The following STX4 variants were observed in gnomAD, a reference collection of about 807,000 sequenced individuals.
STX4 encodes syntaxin 4, also known as syntaxin-4.
In STX4, 24 loss-of-function variants were observed where a neutral mutation model predicts 41.8. That is an observed-to-expected ratio of 0.57 (90% CI 0.42 to 0.81). The LOEUF (loss-of-function observed/expected upper bound fraction) is 0.81. Among genes scored for constraint, STX4 ranks in the 30% least tolerant of loss-of-function variants. The pLI, the probability that STX4 is intolerant of heterozygous loss-of-function variation, is 0.00. For synonymous variants in STX4, 158 were observed against 156.4 expected, an observed-to-expected ratio of 1.01 and a Z score of -0.08; for missense variants, 316 against 389.9, an observed-to-expected ratio of 0.81 and a Z score of 1.60.
chr16:31,038,265 G>A lies in STX4; in HGVS notation c.564+75G>A. On this transcript the variant is annotated intron_variant, in intron 7 of 10. Coordinates refer to ENST00000313843, the MANE Select transcript of STX4 (RefSeq NM_004604.5). ...AGTCCTGTCCGTTTCTCGACCTCCT[G>A]GGCTCAGGTGATCCTCCTGCCTCAG... 2.6e-6 allele frequency: 4 copies of A among 1,567,480 alleles called. No individual in the cohort carries two copies. The South Asian group carries it at 4.5e-5, about 18-fold the overall frequency.
chr16:31,034,335 A>T lies in STX4; in HGVS notation c.232+10A>T. On this transcript the variant is annotated intron_variant, in intron 3 of 10. Transcript: ENST00000313843. ...CCCCTTCCCGAGGAGAGTGAGTGAA[A>T]CCCCGGCTGCAGGGCGCATGCTCCG... 1 of 1,613,756 alleles carries T rather than the reference A, an allele frequency of 6.2e-7. No individual in the cohort carries two copies. The highest frequency in any genetic ancestry group is 8.5e-7 in the Non-Finnish European group (1 of 1,179,872).
chr16:31,034,928 T>C, intron 4 of STX4, 42 bp from the exon 5 acceptor site: 2 of 1,483,324 alleles, frequency 1.3e-6, no homozygotes, highest in Non-Finnish European at 1.8e-6. Flanking sequence ...CTAAAAATCC[T>C]ATGGAGACAA....
At position 31,039,013 on chromosome 16, in the gene STX4, G is replaced by A. The variant is rs1351302203; in HGVS notation, c.702+366G>A. On this transcript the variant is annotated intron_variant, in intron 8 of 10. Coordinates refer to ENST00000313843, the MANE Select transcript of STX4 (RefSeq NM_004604.5). The surrounding 1 kb of genome is among the most constrained non-coding windows in gnomAD (Gnocchi z 4.1). ...ATCTGTACAAGGCTGGGGTGGGGGC[G>A]GCGTTCCCCTGGCCCTGGTTGTGAG... The A allele has an allele frequency of 7.7e-6, 2 of 260,604 alleles. No homozygotes were observed. Among genetic ancestry groups the A allele is most frequent in the South Asian group, 5.1e-5 (1 of 19,584 alleles). The allele number at this position is 260,604 out of a possible 1,614,324, so 16.1% of individuals were successfully genotyped here.
chr16:31,037,516 C>T (rs994049780), intron 5 of STX4, among the ~76,000 whole-genome samples: 23 of 150,310 alleles, frequency 1.5e-4, no homozygotes, highest in African/African-American at 5.1e-4. Flanking sequence ...AAAAATTAGC[C>T]GTGCGTGGTG....
rs776389713 is a variant in STX4 at position 31,034,948 on chromosome 16, A to G, written c.308-22A>G. Reference sequence around the variant, plus strand: ...AATCCTATGGAGACAAGTACCCCCAATACCCCTGTGTCTTCCCACAGCCAT... The same window carrying G: ...AATCCTATGGAGACAAGTACCCCCAGTACCCCTGTGTCTTCCCACAGCCAT... On this transcript the variant is annotated intron_variant, in intron 4 of 10. Coordinates refer to ENST00000313843, the MANE Select transcript of STX4 (RefSeq NM_004604.5). 4 of 1,563,078 alleles carry G rather than the reference A, an allele frequency of 2.6e-6. No homozygotes were observed. In the South Asian group the frequency reaches 4.9e-5, roughly 19 times the overall value.
At chr16:31,038,912 C>T (rs1386524807) in intron 8 of STX4, among the ~76,000 whole-genome samples, 1 of 152,118 alleles carries the variant, frequency 6.6e-6, no homozygotes, top group Non-Finnish European at 1.5e-5. Context: ...CCCTCACTCC[C>T]CCTCCACTAA....
In STX4 at chr16:31,033,592, G is replaced by A. The variant is rs1291030313; in HGVS notation, c.-214G>A. The A allele has an allele frequency of 1.3e-6, 2 of 1,525,686 alleles. No individual in the cohort carries two copies. The highest frequency in any genetic ancestry group is 1.2e-5 in the South Asian group (1 of 80,882). 94.5% of individuals were successfully genotyped at this position (1,525,686 alleles called of 1,614,324 possible). A position where few individuals can be genotyped will look rare whatever the true frequency, so the allele number is the denominator to read the frequency against. Reference sequence around the variant, plus strand: ...GCGGGAGCTGGAGCGGGGAAGAAAAGGGAATTCCAACCTGTGGAACCTTGG... The same window carrying A: ...GCGGGAGCTGGAGCGGGGAAGAAAAAGGAATTCCAACCTGTGGAACCTTGG... On this transcript the variant is annotated 5_prime_UTR_variant, in exon 1 of 11. Coordinates refer to ENST00000313843, the MANE Select transcript of STX4 (RefSeq NM_004604.5). The surrounding 1 kb of genome is among the most constrained non-coding windows in gnomAD (Gnocchi z 5.5).
chr16:31,033,707 G>A lies in STX4; in HGVS notation c.-99G>A. Reference sequence around the variant, plus strand: ...GCTCGTGGGGGTGTTGGGGTCCGCAGGGGGAGGGAGGGGAGTGTCAGAGTG... The same window carrying A: ...GCTCGTGGGGGTGTTGGGGTCCGCAAGGGGAGGGAGGGGAGTGTCAGAGTG... On this transcript the variant is annotated 5_prime_UTR_variant, in exon 1 of 11. Transcript: ENST00000313843. The surrounding 1 kb of genome is among the most constrained non-coding windows in gnomAD (Gnocchi z 5.5). The A allele has an allele frequency of 2.1e-6, 3 of 1,446,614 alleles. No homozygotes were observed. Among genetic ancestry groups the A allele is most frequent in the Non-Finnish European group, 2.7e-6 (3 of 1,101,308 alleles). The allele number at this position is 1,446,614 out of a possible 1,614,324, so 89.6% of individuals were successfully genotyped here. A position where few individuals can be genotyped will look rare whatever the true frequency, so the allele number is the denominator to read the frequency against.
upstream of STX4, chr16:31,033,544 C>T (rs989249370): frequency 6.5e-7 from 1 of 1,548,708 alleles, no homozygotes; most frequent in Admixed American, 2.0e-5. This position sits in a 1 kb window ranked among gnomAD's most constrained non-coding sequence, Gnocchi z 5.5. Context: ...CCGAATTTAT[C>T]ACGGAGGGGC....
intron 5 of STX4, among the ~76,000 whole-genome samples, chr16:31,037,625 A>G (rs2056810645): frequency 6.6e-6 from 1 of 151,424 alleles, no homozygotes; most frequent in Admixed American, 6.6e-5. Context: ...GTGCCACTGC[A>G]CTCCAGCCTG....
At position 31,033,809 on chromosome 16, in the gene STX4, C is replaced by T; in HGVS notation, c.4C>T (p.Arg2Trp). 2 of 1,450,240 alleles carry T rather than the reference C, an allele frequency of 1.4e-6. No homozygotes were observed. The highest frequency in any genetic ancestry group is 1.5e-5 in the South Asian group (1 of 66,900). 89.8% of individuals were successfully genotyped at this position (1,450,240 alleles called of 1,614,324 possible). Residue 2 changes from arginine to tryptophan, a missense_variant, in exon 1 of 11, where the codon CGG becomes TGG. By Grantham distance (101) the Arg-to-Trp change is moderately radical. Transcript: ENST00000313843. The surrounding 1 kb of genome is among the most constrained non-coding windows in gnomAD (Gnocchi z 5.5). ...GGGAGGGAGAGCTCAGGCCGCCATGCGGGACAGGACCCACGAGCTGAGACA... is the reference window on the plus strand; with the variant it reads ...GGGAGGGAGAGCTCAGGCCGCCATGTGGGACAGGACCCACGAGCTGAGACA... M[R>W]DRTHELRQGD... is the part of the protein sequence containing the mutation.
upstream of STX4, chr16:31,033,345 C>T: frequency 1.2e-6 from 1 of 827,972 alleles, no homozygotes; most frequent in East Asian, 2.6e-5. The surrounding 1 kb of genome is among the most constrained non-coding windows in gnomAD (Gnocchi z 5.5). Flanking sequence ...GCGGGTGTCT[C>T]GGATTACGTA....
Position 31,039,793 on chromosome 16 carries a change from T to C in STX4, c.884T>C (p.Val295Ala), listed in dbSNP as rs762675311. The C allele has an allele frequency of 1.9e-6, 3 of 1,614,036 alleles. No homozygotes were observed. The highest frequency in any genetic ancestry group is 1.3e-5 in the African/African-American group (1 of 74,932). The change falls in exon 10 of 11, where the codon GTG becomes GCG. Residue 295 changes from valine (V) to alanine (A), a missense_variant. By Grantham distance (64) the Val-to-Ala change is moderately conservative. Coordinates refer to ENST00000313843, the MANE Select transcript of STX4 (RefSeq NM_004604.5). The surrounding 1 kb of genome is among the most constrained non-coding windows in gnomAD (Gnocchi z 4.1). ...CTAGCAGTCATCATTGGCGTCACAG[T>C]GGTTGGATAATGTCGCACATTGTTG... ...VLLAVIIGVT[V>A]VG
chr16:31,039,248 T>G lies in STX4; in HGVS notation c.703-293T>G. On this transcript the variant is annotated intron_variant, in intron 8 of 10. Transcript: ENST00000313843. The surrounding 1 kb of genome is among the most constrained non-coding windows in gnomAD (Gnocchi z 4.1). ...GAAGAATGGGTAAATTCAGACAGAT[T>G]TGTGAAGGCACAGTTCACCATCTGT... 1 of 377,524 alleles carries G rather than the reference T, an allele frequency of 2.6e-6. No homozygotes were observed. Among genetic ancestry groups the G allele is most frequent in the Non-Finnish European group, 4.9e-6 (1 of 203,492 alleles). The allele number at this position is 377,524 out of a possible 1,614,324, so 23.4% of individuals were successfully genotyped here.
rs1362993918 is a variant in STX4 at position 31,038,631 on chromosome 16, C to T, written c.686C>T (p.Thr229Ile). ...CACGACATATTCACTTTTCTGGCTA[C>T]CGAAGTGGAGATGCAGGTGGGTGCC... ...ELHDIFTFLA[T>I]EVEMQGEMIN... is the part of the protein sequence containing the mutation. The change falls in exon 8 of 11, where the codon ACC (threonine) becomes ATC (isoleucine). Residue 229 changes from threonine (T) to isoleucine (I), a missense_variant. Thr to Ile is a moderately conservative substitution (Grantham distance 89). Transcript: ENST00000313843. 1.9e-6 allele frequency: 3 copies of T among 1,613,940 alleles called. No individual in the cohort carries two copies. The highest frequency in any genetic ancestry group is 2.5e-6 in the Non-Finnish European group (3 of 1,180,022).
At position 31,039,257 on chromosome 16, in the gene STX4, C is replaced by A; in HGVS notation, c.703-284C>A. The A allele has an allele frequency of 2.5e-6, 1 of 400,704 alleles. No homozygotes were observed. Among genetic ancestry groups the A allele is most frequent in the South Asian group, 2.9e-5 (1 of 34,644 alleles). 24.8% of individuals were successfully genotyped at this position (400,704 alleles called of 1,614,324 possible). ...GTAAATTCAGACAGATTTGTGAAGG[C>A]ACAGTTCACCATCTGTGAAAGGTAT... On this transcript the variant is annotated intron_variant, in intron 8 of 10. Coordinates refer to ENST00000313843, the MANE Select transcript of STX4 (RefSeq NM_004604.5). This position sits in a 1 kb window ranked among gnomAD's most constrained non-coding sequence, Gnocchi z 4.1.
At chr16:31,037,126 C>T (rs1317247319) in intron 5 of STX4, among the ~76,000 whole-genome samples, 2 of 144,076 alleles carry the variant, frequency 1.4e-5, no homozygotes, top group African/African-American at 5.0e-5. Context: ...TACAGTGGTG[C>T]CATCTCTGCT....
chr16:31,033,163 G>A (rs575658432), upstream of STX4: 3 of 569,518 alleles, frequency 5.3e-6, no homozygotes, highest in South Asian at 4.6e-5. This position sits in a 1 kb window ranked among gnomAD's most constrained non-coding sequence, Gnocchi z 5.5. Flanking sequence ...GGCCGTGTGG[G>A]CGTCGCTCGG....
rs1417813387 is a variant in STX4 at position 31,034,108 on chromosome 16, C to T, written c.126C>T (p.Phe42=). The change falls in exon 2 of 11, where the codon TTC becomes TTT. Residue 42 remains phenylalanine (F), a synonymous_variant. Transcript: ENST00000313843. Reference sequence around the variant, plus strand: ...TGGGGAGCCCGGACGAGGAGTTCTTCCACAAGGTAAGGGGCTGGGGTCTCC... The same window carrying T: ...TGGGGAGCCCGGACGAGGAGTTCTTTCACAAGGTAAGGGGCTGGGGTCTCC... ...ARLGSPDEEF[F]HKVRTIRQTI... 69 of 1,608,484 alleles carry T rather than the reference C, an allele frequency of 4.3e-5. No homozygotes were observed. The Admixed American group carries it at 1.2e-3, about 27-fold the overall frequency.
Sources: allele counts gnomAD v4.1 joint callset (sites outside exome capture counted in the v4.1 genomes callset), GRCh38; gene constraint gnomAD v4.1.1; non-coding constraint Gnocchi (gnomAD v3.1); transcripts MANE v1.5; gene names NCBI Gene and HGNC (gene_info 2026-07-23, HGNC 2026-07-21).